Variants in MACROD2 observed in about 807,000 individuals in gnomAD.
The protein encoded by MACROD2 is ADP-ribose glycohydrolase MACROD2.
A neutral mutation model predicts 70.4 loss-of-function variants in MACROD2; 36 were observed. That is an observed-to-expected ratio of 0.51 (90% confidence interval 0.39 to 0.68). The LOEUF is 0.68. Among genes scored for constraint, MACROD2 ranks in the 30% least tolerant of loss-of-function variants. The probability of loss-of-function intolerance (pLI) is 0.00; values close to 1 mark genes in which losing one functional copy is unlikely to be tolerated. For synonymous variants in MACROD2, 172 were observed against 178.8 expected, an observed-to-expected ratio of 0.96 and a Z score of 0.30; for missense variants, 496 against 538.4, an observed-to-expected ratio of 0.92 and a Z score of 0.78.
chr20:14,828,614 T>A (rs2072927885), intron 5 of MACROD2, among the ~76,000 whole-genome samples: 1 of 151,990 alleles, frequency 6.6e-6, no homozygotes, highest in Non-Finnish European at 1.5e-5. Context: ...ATTGTACAAA[T>A]GCCTTTCTAA....
chr20:14,504,493 G>A (rs2084948296), intron 4 of MACROD2, among the ~76,000 whole-genome samples: 1 of 151,992 alleles, frequency 6.6e-6, no homozygotes, highest in Admixed American at 6.6e-5. Context: ...ATTACTTATG[G>A]GAATAAGGAG....
intron 5 of MACROD2, among the ~76,000 whole-genome samples, chr20:15,122,863 G>A (rs1385065715): frequency 1.3e-5 from 2 of 152,050 alleles, no homozygotes; most frequent in African/African-American, 4.8e-5. Context: ...TAAATAACTA[G>A]GGTGAAAAAG....
chr20:15,357,900 G>A (rs943226946), intron 6 of MACROD2, among the ~76,000 whole-genome samples: 14 of 150,118 alleles, frequency 9.3e-5, no homozygotes, highest in Non-Finnish European at 1.0e-4. Flanking sequence ...TCCGCCTCCC[G>A]GGTTCATGCC....
intron 3 of MACROD2, among the ~76,000 whole-genome samples, chr20:14,218,499 A>AT (rs1315681018): frequency 6.6e-6 from 1 of 152,196 alleles, no homozygotes; most frequent in Non-Finnish European, 1.5e-5. Flanking sequence ...CATTTAGGCC[A>AT]TTTACATTCA....
rs546613403 is a variant in MACROD2 at position 14,440,658 on chromosome 20, G to A, written c.272-52821G>A. Among the ~76,000 whole-genome samples, 7 of 152,258 alleles carry A rather than the reference G, an allele frequency of 4.6e-5. No homozygotes were observed. The South Asian group carries it at 6.2e-4, about 14-fold the overall frequency. On this transcript the variant is annotated intron_variant, in intron 3 of 17. Transcript: ENST00000684519. ...GAGTCAAGATTAATGAGTATTTCAC[G>A]CTTGTGCTACTTTTCCACAAGGTTG...
intron 8 of MACROD2, among the ~76,000 whole-genome samples, chr20:15,501,895 G>A (rs930048543): frequency 1.3e-5 from 2 of 152,154 alleles, no homozygotes; most frequent in African/African-American, 4.8e-5. Context: ...TTATAAAAGA[G>A]TATTGCTTCT....
chr20:14,327,684 G>C (rs2082760273), intron 3 of MACROD2: 6 of 698,850 alleles, frequency 8.6e-6, no homozygotes, highest in Non-Finnish European at 1.3e-5. Context: ...TGTTTTGGGA[G>C]GGGGCATAAT....
chr20:14,981,345 C>A (rs1009164657), intron 5 of MACROD2, among the ~76,000 whole-genome samples: 3 of 151,448 alleles, frequency 2.0e-5, no homozygotes, highest in Non-Finnish European at 4.4e-5. Context: ...GTAAGTTTCA[C>A]TTTTCCTTCA....
At chr20:15,000,222 CAGAA>C (rs1329334922) in intron 5 of MACROD2, among the ~76,000 whole-genome samples, 1 of 152,070 alleles carries the variant, frequency 6.6e-6, no homozygotes, top group East Asian at 1.9e-4. Flanking sequence ...TTATTTTCCT[CAGAA>C]AGCAAAACAA....
chr20:14,220,694 C>G (rs912309310), intron 3 of MACROD2, among the ~76,000 whole-genome samples: 7 of 152,160 alleles, frequency 4.6e-5, no homozygotes, highest in Non-Finnish European at 7.3e-5. Context: ...CTCCCAGGGC[C>G]TTTCTGCTGC....
chr20:15,927,705 C>T (rs73900807), intron 10 of MACROD2, among the ~76,000 whole-genome samples: 2,301 of 152,190 alleles, frequency 0.015, 44 homozygotes, highest in African/African-American at 0.047. Context: ...ACATGAGGCT[C>T]TTCATTAAAA....
chr20:14,388,235 A>G (rs541673083), intron 3 of MACROD2, among the ~76,000 whole-genome samples: 26 of 152,002 alleles, frequency 1.7e-4, no homozygotes, highest in African/African-American at 6.3e-4. Flanking sequence ...GATGGTCTCG[A>G]TCTCCTGACT....
intron 2 of MACROD2, among the ~76,000 whole-genome samples, chr20:14,007,544 A>G (rs1379726129): frequency 2.0e-5 from 3 of 152,226 alleles, no homozygotes; most frequent in African/African-American, 4.8e-5. Flanking sequence ...TTACTAAACA[A>G]TAGGCCCAGG....
At chr20:15,977,658 A>G (rs1466782454) in intron 13 of MACROD2, among the ~76,000 whole-genome samples, 14 of 152,194 alleles carry the variant, frequency 9.2e-5, no homozygotes. Flanking sequence ...ATATGAATAA[A>G]ACAAAATTTC....
intron 5 of MACROD2, chr20:14,906,024 A>G (rs2073954600): frequency 1.3e-5 from 2 of 152,112 alleles, no homozygotes; most frequent in South Asian, 2.1e-4. Flanking sequence ...TGGTACTTCC[A>G]CTGTTCTGGA....
intron 5 of MACROD2, among the ~76,000 whole-genome samples, chr20:15,200,413 A>G (rs774892716): frequency 2.0e-5 from 3 of 152,188 alleles, no homozygotes; most frequent in African/African-American, 7.2e-5. Context: ...GTGAGAAAAG[A>G]TCAAATCACT....
chr20:15,333,396 G>A (rs1196238670), intron 6 of MACROD2, among the ~76,000 whole-genome samples: 2 of 151,618 alleles, frequency 1.3e-5, no homozygotes, highest in Non-Finnish European at 2.9e-5. Context: ...CCTCGAAAGC[G>A]AATTGTTTCC....
rs556281425 is a variant in MACROD2, at chr20:14,002,337, A to G, written c.96A>G (p.Arg32=). Residue 32 remains arginine, a synonymous_variant, in exon 2 of 18, where the codon AGA becomes AGG. Transcript: ENST00000684519. ...AAGAGAGACGCAAAGAATACCTAAG[A>G]GACTATATTCCCCTGAACAGCATTC... ...TLEERRKEYL[R]DYIPLNSILS... is the part of the protein sequence containing the mutation. 6.2e-7 allele frequency: 1 copy of G among 1,610,710 alleles called. No homozygotes were observed. Among genetic ancestry groups the G allele is most frequent in the Admixed American group, 1.7e-5 (1 of 59,362 alleles).
chr20:14,117,387 G>T (rs1245463468), intron 3 of MACROD2, among the ~76,000 whole-genome samples: 2 of 152,120 alleles, frequency 1.3e-5, no homozygotes, highest in Admixed American at 1.3e-4. Flanking sequence ...CTCAATGTTG[G>T]TCATGTAGTT....
Sources: allele counts gnomAD v4.1 joint callset (sites outside exome capture counted in the v4.1 genomes callset), GRCh38; gene constraint gnomAD v4.1.1; transcripts MANE v1.5; gene names NCBI Gene and HGNC (gene_info 2026-07-23, HGNC 2026-07-21).